Variants in SAT1 observed in about 807,000 individuals in gnomAD.
SAT1 encodes the protein diamine acetyltransferase 1.
SAT1 carries 1 observed loss-of-function variant against 14.7 expected under a neutral mutation model. The ratio of observed to expected loss-of-function variants is 0.07; its 90% CI spans 0.02 to 0.32. The LOEUF (loss-of-function observed/expected upper bound fraction) is 0.32, where lower values mean the gene tolerates loss of function less well. Ranked by LOEUF, SAT1 falls within the 10% of genes least tolerant of loss-of-function variation. The pLI is 1.00. For synonymous variants in SAT1, 67 were observed against 46.1 expected, an observed-to-expected ratio of 1.45 and a Z score of -1.84; for missense variants, 77 against 129.1, an observed-to-expected ratio of 0.60 and a Z score of 1.96.
intron 1 of SAT1, 118 bp downstream of exon 1, chrX:23,783,535 T>C: frequency 1.1e-6 from 1 of 930,355 alleles, no homozygotes. Context: ...TGTTCCCCTT[T>C]CTGCGCCCAT....
At position 23,783,380 on chromosome X, in the gene SAT1, C is replaced by CT; in HGVS notation, c.30dup (p.Ala11CysfsTer6). On this transcript the variant is annotated frameshift_variant, in exon 1 of 6. Transcript: ENST00000379270. ...GCTAAATTCGTGATCCGCCCAGCCA[C>CT]TGCCGCCGACTGCAGTGACATACTG... The CT allele has an allele frequency of 8.3e-7, 1 of 1,211,280 alleles. No individual in the cohort carries two copies. The highest frequency in any genetic ancestry group is 1.1e-6 in the Non-Finnish European group (1 of 894,966).
intron 1 of SAT1, 90 bp from the exon 2 acceptor site, chrX:23,783,568 C>G (rs45573834): frequency 1.5e-6 from 1 of 660,611 alleles, no homozygotes; most frequent in Non-Finnish European, 2.3e-6. Flanking sequence ...CGCCACCCCG[C>G]CCGCCCGCCC....
intron 1 of SAT1, 99 bp from the exon 2 acceptor site, chrX:23,783,559 G>GC: frequency 1.3e-6 from 1 of 766,379 alleles, no homozygotes; most frequent in Non-Finnish European, 1.9e-6. Flanking sequence ...CGGCTCGGCC[G>GC]CCACCCCGCC....
At chrX:23,784,230 A>C (rs902505939) in intron 3 of SAT1, 1 of 857,180 alleles carries the variant, frequency 1.2e-6, no homozygotes, top group Non-Finnish European at 1.5e-6. Flanking sequence ...GTTTGACCCT[A>C]ACGTAACAGT....
chrX:23,783,589 C>T (rs888382561), intron 1 of SAT1, 69 bp from the exon 2 acceptor site: 1 of 836,186 alleles, frequency 1.2e-6, no homozygotes, highest in Non-Finnish European at 1.7e-6. Flanking sequence ...CATTCCGTTC[C>T]CCTGAGCTGG....
At chrX:23,785,479 A>C in intron 4 of SAT1, 41 bp from the exon 5 acceptor site, 2 of 1,180,124 alleles carry the variant, frequency 1.7e-6, no homozygotes, top group Non-Finnish European at 2.3e-6. Context: ...AGAGTTATAA[A>C]TGCTTACAAT....
At chrX:23,785,629 G>T in intron 5 of SAT1, 57 bp from the exon 6 acceptor site, 1 of 1,183,294 alleles carries the variant, frequency 8.5e-7, no homozygotes, top group South Asian at 1.8e-5. Flanking sequence ...AATAAAAATT[G>T]GGTCTTGAGA....
In SAT1 at chrX:23,783,195, G is replaced by A. The variant is rs753371942; in HGVS notation, c.-157G>A. 8.0e-6 allele frequency: 4 copies of A among 497,931 alleles called. No individual in the cohort carries two copies. The highest frequency in any genetic ancestry group is 6.3e-5 in the Admixed American group (2 of 31,971). 41.0% of individuals were successfully genotyped at this position (497,931 alleles called of 1,213,427 possible). A position where few individuals can be genotyped will look rare whatever the true frequency, so the allele number is the denominator to read the frequency against. On this transcript the variant is annotated 5_prime_UTR_variant, in exon 1 of 6. Coordinates refer to ENST00000379270, the MANE Select transcript of SAT1 (RefSeq NM_002970.4). Reference sequence around the variant, plus strand: ...AATGCGCAGCTCTTAGTCGCGGGCCGACTGGTGTTTATCCGTCACTCGCCG... The same window carrying A: ...AATGCGCAGCTCTTAGTCGCGGGCCAACTGGTGTTTATCCGTCACTCGCCG...
At chrX:23,784,138 A>C (rs1268986104) in intron 3 of SAT1, 1 of 1,030,330 alleles carries the variant, frequency 9.7e-7, no homozygotes, top group African/African-American at 1.9e-5. Context: ...TAAGCTGCTT[A>C]AGTAAGTATA....
Position 23,783,403 on chromosome X carries a change from C to T in SAT1, c.52C>T (p.Leu18=), listed in dbSNP as rs767248787. 3.3e-6 allele frequency: 4 copies of T among 1,210,054 alleles called. No individual in the cohort carries two copies. In the East Asian group the frequency reaches 1.2e-4, roughly 36 times the overall value. Reference sequence around the variant, plus strand: ...CACTGCCGCCGACTGCAGTGACATACTGCGGCTGATCAAGGTAGCGGAGAG... The same window carrying T: ...CACTGCCGCCGACTGCAGTGACATATTGCGGCTGATCAAGGTAGCGGAGAG... ...PATAADCSDI[L]RLIKELAKYE... is the part of the protein sequence containing the mutation. The change falls in exon 1 of 6, where the codon CTG becomes TTG. Residue 18 remains leucine, a synonymous_variant. Coordinates refer to ENST00000379270, the MANE Select transcript of SAT1 (RefSeq NM_002970.4).
intron 2 of SAT1, 25 bp downstream of exon 2, chrX:23,783,734 GGACAA>G: frequency 8.3e-7 from 1 of 1,209,127 alleles, no homozygotes; most frequent in Non-Finnish European, 1.1e-6. Flanking sequence ...GCGGGACGGG[GGACAA>G]GCGTTCGGTG....
chrX:23,784,552 A>G (rs1333285934), intron 3 of SAT1: 1 of 100,856 alleles, frequency 9.9e-6, no homozygotes, highest in Non-Finnish European at 2.0e-5. Context: ...ACACCAGTTA[A>G]GAGGGTGTCA....
intron 2 of SAT1, 26 bp downstream of exon 2, chrX:23,783,735 GA>G: frequency 8.3e-7 from 1 of 1,209,855 alleles, no homozygotes; most frequent in Non-Finnish European, 1.1e-6. Context: ...CGGGACGGGG[GA>G]CAAGCGTTCG....
At position 23,785,328 on chromosome X, in the gene SAT1, G is replaced by A. The variant is rs757797199; in HGVS notation, c.203G>A (p.Gly68Glu). The part of the protein sequence containing the change: ...EVPKEHWTPE[G>E]HSIVGFAMYY... ...ATCTCATGTGATGCTCTTATTACAGGACACAGCATTGTTGGTTTTGCCATG... is the reference window on the plus strand; with the variant it reads ...ATCTCATGTGATGCTCTTATTACAGAACACAGCATTGTTGGTTTTGCCATG... The change falls in exon 4 of 6, where the codon GGA becomes GAA. Residue 68 changes from glycine to glutamate, a missense_variant and splice_region_variant. Physicochemically the swap from Gly to Glu is moderately conservative, Grantham distance 98 (BLOSUM62 -2). Coordinates refer to ENST00000379270, the MANE Select transcript of SAT1 (RefSeq NM_002970.4). 2.5e-6 allele frequency: 3 copies of A among 1,184,732 alleles called. No homozygotes were observed. The highest frequency in any genetic ancestry group is 2.3e-6 in the Non-Finnish European group (2 of 870,736).
Position 23,785,884 on chromosome X carries a change from A to G in SAT1, c.*28A>G, listed in dbSNP as rs1922699790. ...AGTGCTGCTGTAGATGACAACCTCC[A>G]TTCTATTTTAGAATAAATTCCCAAC... On this transcript the variant is annotated 3_prime_UTR_variant, in exon 6 of 6. Transcript: ENST00000379270. The G allele has an allele frequency of 1.8e-6, 2 of 1,118,676 alleles. No individual in the cohort carries two copies. The highest frequency in any genetic ancestry group is 2.2e-5 in the South Asian group (1 of 46,498). 92.2% of individuals were successfully genotyped at this position (1,118,676 alleles called of 1,213,427 possible).
At position 23,783,678 on chromosome X, in the gene SAT1, C is replaced by T. The variant is rs1174705199; in HGVS notation, c.87C>T (p.Tyr29=). Residue 29 remains tyrosine, a synonymous_variant, in exon 2 of 6, where the codon TAC becomes TAT. Transcript: ENST00000379270. ...RLIKELAKYE[Y]MEEQVILTEK... ...CCCAGGAGCTGGCTAAATATGAATA[C>T]ATGGAAGAACAAGTAATCTTAACTG... 1 of 1,194,064 alleles carries T rather than the reference C, an allele frequency of 8.4e-7. No individual in the cohort carries two copies. Among genetic ancestry groups the T allele is most frequent in the Non-Finnish European group, 1.1e-6 (1 of 885,135 alleles).
chrX:23,784,693 G>A (rs1383163001), intron 3 of SAT1: 1 of 106,919 alleles, frequency 9.4e-6, no homozygotes, highest in African/African-American at 3.4e-5. Context: ...GAAGAAATGA[G>A]CAGAAAACAA....
At chrX:23,783,519 C>T in intron 1 of SAT1, 102 bp downstream of exon 1, 3 of 941,592 alleles carry the variant, frequency 3.2e-6, no homozygotes, top group Non-Finnish European at 4.4e-6. Flanking sequence ...GTGTGAGAGC[C>T]CAGCCTGTTC....
At chrX:23,783,571 G>T (rs1178468617) in intron 1 of SAT1, 87 bp from the exon 2 acceptor site, 2 of 391,212 alleles carry the variant, frequency 5.1e-6, no homozygotes, top group Non-Finnish European at 8.1e-6. Flanking sequence ...CACCCCGCCC[G>T]CCCGCCCCAT....
Sources: allele counts gnomAD v4.1 joint callset, GRCh38; gene constraint gnomAD v4.1.1; transcripts MANE v1.5; gene names NCBI Gene and HGNC (gene_info 2026-07-23, HGNC 2026-07-21).